Variants in SLC12A6 observed in about 807,000 individuals in gnomAD.
SLC12A6 encodes the protein solute carrier family 12 member 6.
Under a neutral mutation model 135.3 loss-of-function variants are expected in SLC12A6, and 66 were observed. That is an observed-to-expected ratio of 0.49 (90% CI 0.40 to 0.60). SLC12A6 has a LOEUF of 0.60. SLC12A6 is among the 20% of genes least tolerant of loss of function. The probability of loss-of-function intolerance (pLI) is 0.00; values close to 1 mark genes in which losing one functional copy is unlikely to be tolerated. For missense variants in SLC12A6, 1,058 were observed against 1,452.3 expected, an observed-to-expected ratio of 0.73 and a Z score of 4.41; for synonymous variants, 513 against 508.8, an observed-to-expected ratio of 1.01 and a Z score of -0.11.
chr15:34,306,732 T>G (rs1896632461), intron 2 of SLC12A6, among the ~76,000 whole-genome samples: 1 of 152,210 alleles, frequency 6.6e-6, no homozygotes, highest in African/African-American at 2.4e-5. Flanking sequence ...AGTCAAAAAT[T>G]TAAAGTGCCA....
chr15:34,317,310 T>C (rs368483786), intron 2 of SLC12A6, among the ~76,000 whole-genome samples: 43 of 152,368 alleles, frequency 2.8e-4, no homozygotes, highest in African/African-American at 1.0e-3. Flanking sequence ...AATTCTCGAA[T>C]GGTTTTAAGA....
chr15:34,257,357 T>C (rs1009669883), intron 6 of SLC12A6, among the ~76,000 whole-genome samples: 1 of 152,230 alleles, frequency 6.6e-6, no homozygotes, highest in Admixed American at 6.5e-5. Flanking sequence ...CAAGCTCAAA[T>C]AGTTTGGATT....
Position 34,336,756 on chromosome 15 carries a change from C to T in SLC12A6, c.-72-4G>A. ...CTCTTACGCTAGCTACTTTTGACTG[C>T]AATACAAAAGATAACTTGAAAAATA... is the stretch of plus-strand genomic sequence containing the variant. On this transcript the variant is annotated splice_region_variant and splice_polypyrimidine_tract_variant and intron_variant, in intron 1 of 25. Coordinates refer to ENST00000354181, the MANE Select transcript of SLC12A6 (RefSeq NM_001365088.1). 1 of 1,146,394 alleles carries T rather than the reference C, an allele frequency of 8.7e-7. No homozygotes were observed. The allele number at this position is 1,146,394 out of a possible 1,614,324, so 71.0% of individuals were successfully genotyped here.
chr15:34,297,647 G>A lies in SLC12A6; in HGVS notation c.272-22258C>T, dbSNP rs146466544. 1.7e-4 allele frequency among the ~76,000 whole-genome samples: 26 copies of A among 152,304 alleles called. No individual in the cohort carries two copies. In the East Asian group the frequency reaches 5.0e-3, roughly 29 times the overall value. ...CAGGGAGACGTGCAACATTGATCAA[G>A]GCAGTGTGAACTTGAAGGAGGATTT... On this transcript the variant is annotated intron_variant, in intron 2 of 25. Transcript: ENST00000354181.
At chr15:34,281,945 T>C (rs1894711504) in intron 2 of SLC12A6, among the ~76,000 whole-genome samples, 1 of 152,066 alleles carries the variant, frequency 6.6e-6, no homozygotes, top group Non-Finnish European at 1.5e-5. Flanking sequence ...ATTTTTAATG[T>C]AATAAAAATA....
Position 34,252,360 on chromosome 15 carries a change from G to T in SLC12A6, c.1143C>A (p.Thr381=). Residue 381 remains threonine, a synonymous_variant, in exon 10 of 26, where the codon ACC becomes ACA. Coordinates refer to ENST00000354181, the MANE Select transcript of SLC12A6 (RefSeq NM_001365088.1). The part of the protein sequence containing the change: ...HFPVCMLGNR[T]LSSRHIDVCS... ...AAACGTCAATGTGTCTTGATGAAAG[G>T]GTGCGGTTACCCAGCATGCAGACCC... 6.2e-7 allele frequency: 1 copy of T among 1,611,324 alleles called. No homozygotes were observed. The highest frequency in any genetic ancestry group is 8.5e-7 in the Non-Finnish European group (1 of 1,177,754).
chr15:34,268,432 C>G (rs1893674749), intron 3 of SLC12A6, among the ~76,000 whole-genome samples: 1 of 152,186 alleles, frequency 6.6e-6, no homozygotes, highest in Non-Finnish European at 1.5e-5. Context: ...CCAAAGAGTT[C>G]CTGGTCAATC....
chr15:34,331,813 T>C (rs995154637), intron 2 of SLC12A6, among the ~76,000 whole-genome samples: 6 of 152,210 alleles, frequency 3.9e-5, no homozygotes, highest in Admixed American at 2.6e-4. Flanking sequence ...AGAGAGGACA[T>C]GACTCCTTAA....
chr15:34,318,518 A>G (rs921812471), intron 2 of SLC12A6: 2 of 1,506,640 alleles, frequency 1.3e-6, no homozygotes, highest in East Asian at 2.3e-5. Context: ...TTCTTTCATG[A>G]AACATTTTAT....
intron 2 of SLC12A6, among the ~76,000 whole-genome samples, chr15:34,276,111 C>A (rs1894280430): frequency 6.6e-6 from 1 of 151,910 alleles, no homozygotes; most frequent in South Asian, 2.1e-4. Context: ...ATGGTAACTT[C>A]TGTATTGTAT....
intron 2 of SLC12A6, among the ~76,000 whole-genome samples, chr15:34,323,341 T>C (rs1421437527): frequency 6.6e-6 from 1 of 152,192 alleles, no homozygotes; most frequent in African/African-American, 2.4e-5. Context: ...GGCCATGGAC[T>C]GGTACTGGTC....
intron 20 of SLC12A6, 102 bp downstream of exon 20, chr15:34,238,863 C>T: frequency 2.9e-6 from 3 of 1,034,330 alleles, no homozygotes; most frequent in Non-Finnish European, 4.6e-6. Context: ...GACTATGCTT[C>T]AGCAATGGCA....
rs531800441 is a variant in SLC12A6, at chr15:34,290,912, C to T, written c.272-15523G>A. Among the ~76,000 whole-genome samples, 32 of 152,096 alleles carry T rather than the reference C, an allele frequency of 2.1e-4. No individual in the cohort carries two copies. The South Asian group carries it at 5.4e-3, about 26-fold the overall frequency. On this transcript the variant is annotated intron_variant, in intron 2 of 25. Coordinates refer to ENST00000354181, the MANE Select transcript of SLC12A6 (RefSeq NM_001365088.1). The stretch of plus-strand genomic sequence containing the variant: ...GATGGGTCTCCTGAATACAGCACAC[C>T]GATAGGTCTTGACTCTTTATCCAAT...
At chr15:34,322,718 C>G (rs1054780194) in intron 2 of SLC12A6, among the ~76,000 whole-genome samples, 1 of 151,776 alleles carries the variant, frequency 6.6e-6, no homozygotes, top group African/African-American at 2.4e-5. Flanking sequence ...TGGCTTACAC[C>G]TGTAATCCCA....
chr15:34,327,366 AAAAC>A (rs1279578115), intron 2 of SLC12A6, among the ~76,000 whole-genome samples: 13 of 152,320 alleles, frequency 8.5e-5, no homozygotes, highest in Admixed American at 3.9e-4. Flanking sequence ...GGCTGTTAAA[AAAAC>A]AAACAAACAA....
At chr15:34,328,542 AG>A (rs1300874438) in intron 2 of SLC12A6, among the ~76,000 whole-genome samples, 4 of 152,208 alleles carry the variant, frequency 2.6e-5, no homozygotes, top group African/African-American at 9.6e-5. Context: ...TATGTTCTGC[AG>A]TTTTGTGCTT....
At chr15:34,234,370 T>C (rs1048634249) in intron 25 of SLC12A6, among the ~76,000 whole-genome samples, 3 of 152,046 alleles carry the variant, frequency 2.0e-5, no homozygotes, top group African/African-American at 7.2e-5. Context: ...TAAACCTTTT[T>C]CTTTTCTTTC....
rs139124111 is a variant in SLC12A6, at chr15:34,260,805, ATTTTC to A, written c.411+116_411+120del. On this transcript the variant is annotated intron_variant, in intron 4 of 25. Coordinates refer to ENST00000354181, the MANE Select transcript of SLC12A6 (RefSeq NM_001365088.1). ...ATTTACTATAATAACAAGTTACAATATTTTCTTTTAACATTAAATTATCCAGCTTG... is the reference window on the plus strand; with the variant it reads ...ATTTACTATAATAACAAGTTACAATATTTTAACATTAAATTATCCAGCTTG... The A allele has an allele frequency of 8.9e-3, 5,841 of 656,454 alleles. 256 individuals carry two copies. The African/African-American group carries it at 0.096, about 11-fold the overall frequency. 40.7% of individuals were successfully genotyped at this position (656,454 alleles called of 1,614,324 possible).
intron 2 of SLC12A6, among the ~76,000 whole-genome samples, chr15:34,292,070 G>GT (rs1203153510): frequency 6.6e-6 from 1 of 152,104 alleles, no homozygotes; most frequent in Non-Finnish European, 1.5e-5. Context: ...AGGCATTCTG[G>GT]TTTTTGGAAT....
Sources: allele counts gnomAD v4.1 joint callset (sites outside exome capture counted in the v4.1 genomes callset), GRCh38; gene constraint gnomAD v4.1.1; transcripts MANE v1.5; gene names NCBI Gene and HGNC (gene_info 2026-07-23, HGNC 2026-07-21).